The following PCGF6 variants were observed in gnomAD, a reference collection of about 807,000 sequenced individuals.
PCGF6 encodes polycomb group ring finger 6, also known as polycomb group RING finger protein 6.
Under a neutral mutation model 45.5 loss-of-function variants are expected in PCGF6, and 24 were observed. The observed-to-expected ratio is 0.53, with a 90% confidence interval of 0.38 to 0.74. The LOEUF (loss-of-function observed/expected upper bound fraction) is 0.74, where lower values mean the gene tolerates loss of function less well. Among genes scored for constraint, PCGF6 ranks in the 30% least tolerant of loss-of-function variants. The pLI is 0.00. For missense variants in PCGF6, 356 were observed against 443.2 expected (o/e 0.80, Z 1.77); for synonymous variants, 152 against 162.1 (o/e 0.94, Z 0.47).
At chr10:103,316,009 T>TACAGAGAGAGAGAGAG (rs1398812514) in intron 8 of PCGF6, among the ~76,000 whole-genome samples, 3 of 127,336 alleles carry the variant, frequency 2.4e-5, no homozygotes, top group African/African-American at 9.1e-5. Flanking sequence ...TATATATATA[T>TACAGAGAGAGAGAGAG]ATATAGAGAG....
chr10:103,332,680 G>C (rs2093244229), intron 7 of PCGF6, among the ~76,000 whole-genome samples: 1 of 152,136 alleles, frequency 6.6e-6, no homozygotes, highest in South Asian at 2.1e-4. Context: ...AACACTGGTA[G>C]CATATATCCT....
intron 8 of PCGF6, among the ~76,000 whole-genome samples, chr10:103,318,312 A>G (rs2093183643): frequency 6.6e-6 from 1 of 151,394 alleles, no homozygotes; most frequent in South Asian, 2.1e-4. Context: ...GTGTGGTGGC[A>G]GACACCTGTA....
chr10:103,348,853 A>T (rs1324239500), intron 2 of PCGF6, 41 bp from the exon 3 acceptor site: 2 of 1,604,458 alleles, frequency 1.2e-6, no homozygotes, highest in Non-Finnish European at 1.7e-6. Context: ...CTTTCAAGAC[A>T]TTTCAAAAAC....
At chr10:103,322,212 T>C (rs1350801678) in intron 8 of PCGF6, among the ~76,000 whole-genome samples, 1 of 152,018 alleles carries the variant, frequency 6.6e-6, no homozygotes, top group Non-Finnish European at 1.5e-5. Flanking sequence ...CACTTATTTT[T>C]ATTTTTTTTG....
intron 1 of PCGF6, 55 bp from the exon 2 acceptor site, chr10:103,349,054 T>C (rs2093310056): frequency 5.3e-6 from 2 of 380,324 alleles, no homozygotes; most frequent in African/African-American, 2.2e-5. Flanking sequence ...TTACAAATTC[T>C]TTTTTTTTTT....
rs2093263872 is a variant in PCGF6, at chr10:103,338,002, T to C, written c.783-4050A>G. The stretch of plus-strand genomic sequence containing the variant: ...TGGCGTGAACCCGGGAGGCGGAGCT[T>C]GCAGTGAGCCGAGATCCCGCCACTG... On this transcript the variant is annotated intron_variant, in intron 6 of 9. Coordinates refer to ENST00000369847, the MANE Select transcript of PCGF6 (RefSeq NM_001011663.2). 4.3e-5 allele frequency among the ~76,000 whole-genome samples: 2 copies of C among 46,720 alleles called. 1 individual carries two copies. The highest frequency in any genetic ancestry group is 4.3e-4 in the Admixed American group (2 of 4,620). The allele number at this position is 46,720 out of a possible 152,430, so 30.7% of individuals were successfully genotyped here.
chr10:103,303,789 G>A lies in PCGF6; in HGVS notation c.*116C>T. 1 of 847,332 alleles carries A rather than the reference G, an allele frequency of 1.2e-6. No homozygotes were observed. The allele number at this position is 847,332 out of a possible 1,614,324, so 52.5% of individuals were successfully genotyped here. On this transcript the variant is annotated 3_prime_UTR_variant, in exon 10 of 10. Coordinates refer to ENST00000369847, the MANE Select transcript of PCGF6 (RefSeq NM_001011663.2). ...CTATAATTCTTGGTGCTAAAAATAG[G>A]TAAGTTATGTCTTGAACAGCAAAGT...
At chr10:103,333,202 C>T (rs2093246454) in intron 7 of PCGF6, among the ~76,000 whole-genome samples, 1 of 151,766 alleles carries the variant, frequency 6.6e-6, no homozygotes, top group African/African-American at 2.4e-5. Context: ...GTATAATATG[C>T]TTCACCCAGA....
In PCGF6 at chr10:103,347,306, T is replaced by C. The variant is rs1331327979; in HGVS notation, c.614-9A>G. On this transcript the variant is annotated splice_polypyrimidine_tract_variant and intron_variant, in intron 4 of 9. Coordinates refer to ENST00000369847, the MANE Select transcript of PCGF6 (RefSeq NM_001011663.2). ...CATTTGCTTTTTTTCTCCTAAAAAA[T>C]GATAAAACACAGACTAAATTACACT... is the stretch of plus-strand genomic sequence containing the variant. 17 of 1,601,758 alleles carry C rather than the reference T, an allele frequency of 1.1e-5. No individual in the cohort carries two copies. The highest frequency in any genetic ancestry group is 1.3e-5 in the Non-Finnish European group (15 of 1,169,096).
intron 8 of PCGF6, among the ~76,000 whole-genome samples, chr10:103,315,807 G>A (rs2093172958): frequency 6.6e-6 from 1 of 152,050 alleles, no homozygotes; most frequent in Non-Finnish European, 1.5e-5. Flanking sequence ...CCAATATACT[G>A]ACTTTTATAT....
chr10:103,313,128 T>C (rs1222115436), intron 9 of PCGF6, among the ~76,000 whole-genome samples: 1 of 152,244 alleles, frequency 6.6e-6, no homozygotes, highest in Non-Finnish European at 1.5e-5. Context: ...ACTCACATTA[T>C]AGGTTAATTA....
intron 6 of PCGF6, among the ~76,000 whole-genome samples, chr10:103,340,689 C>T (rs368131712): frequency 5.9e-5 from 9 of 151,958 alleles, no homozygotes; most frequent in Admixed American, 5.3e-4. Flanking sequence ...CTCAAACTCC[C>T]GGGCTCAGTC....
At chr10:103,334,544 T>C (rs1209811579) in intron 6 of PCGF6, among the ~76,000 whole-genome samples, 1 of 152,212 alleles carries the variant, frequency 6.6e-6, no homozygotes, top group Admixed American at 6.6e-5. Flanking sequence ...TTTCATATTT[T>C]TCTTTTAATC....
intron 5 of PCGF6, among the ~76,000 whole-genome samples, chr10:103,346,521 G>A (rs1435302108): frequency 6.6e-6 from 1 of 151,990 alleles, no homozygotes; most frequent in African/African-American, 2.4e-5. Context: ...CTACTCAGGA[G>A]GCTGAGGCAG....
intron 7 of PCGF6, among the ~76,000 whole-genome samples, chr10:103,331,112 T>C (rs1035294528): frequency 1.3e-5 from 2 of 152,196 alleles, no homozygotes; most frequent in Non-Finnish European, 2.9e-5. Context: ...TTCCTTAGCA[T>C]CATGTTTTCA....
At chr10:103,347,184 T>C (rs2093302826) in intron 5 of PCGF6, 54 bp downstream of exon 5, 1 of 1,373,582 alleles carries the variant, frequency 7.3e-7, no homozygotes, top group Non-Finnish European at 1.0e-6. Context: ...GCATATATTT[T>C]ATTGTTAGTA....
chr10:103,313,266 T>C (rs575707212), intron 9 of PCGF6, among the ~76,000 whole-genome samples: 10 of 152,194 alleles, frequency 6.6e-5, no homozygotes, highest in East Asian at 5.8e-4. Context: ...TTGGCCAACA[T>C]AAAATATGCT....
chr10:103,347,707 T>A lies in PCGF6; in HGVS notation c.558-257A>T, dbSNP rs74674688. Among the ~76,000 whole-genome samples, 596 of 152,278 alleles carry A rather than the reference T, an allele frequency of 3.9e-3. 1 individual carries two copies. Among genetic ancestry groups the A allele is most frequent in the African/African-American group, 0.012 (494 of 41,560 alleles). On this transcript the variant is annotated intron_variant, in intron 3 of 9. Coordinates refer to ENST00000369847, the MANE Select transcript of PCGF6 (RefSeq NM_001011663.2). ...GTGCATTGTTTTTTGTGTGTGTGTG[T>A]GACAAGGTCTCACTTTTGTCACCCA... is the stretch of plus-strand genomic sequence containing the variant.
chr10:103,304,901 A>G (rs538919006), intron 9 of PCGF6, among the ~76,000 whole-genome samples: 2 of 152,186 alleles, frequency 1.3e-5, no homozygotes, highest in Non-Finnish European at 2.9e-5. Flanking sequence ...TCAGACTCCC[A>G]AAGTGCTGGG....
Sources: allele counts gnomAD v4.1 joint callset (sites outside exome capture counted in the v4.1 genomes callset), GRCh38; gene constraint gnomAD v4.1.1; transcripts MANE v1.5; gene names NCBI Gene and HGNC (gene_info 2026-07-23, HGNC 2026-07-21).